The following DIAPH2 variants were observed in gnomAD, a reference collection of about 807,000 sequenced individuals.
DIAPH2 encodes protein diaphanous homolog 2.
Under a neutral mutation model 92.7 loss-of-function variants are expected in DIAPH2, and 35 were observed. The ratio of observed to expected loss-of-function variants is 0.38; its 90% CI spans 0.29 to 0.50. The LOEUF is 0.50. Ranked by LOEUF, DIAPH2 falls within the 20% of genes least tolerant of loss-of-function variation. DIAPH2 has a pLI of 0.94. For synonymous variants in DIAPH2, 301 were observed against 280.4 expected (o/e 1.07, Z -0.73); for missense variants, 701 against 819.5 (o/e 0.86, Z 1.77).
chrX:96,761,012 G>A lies in DIAPH2; in HGVS notation c.447+2754G>A, dbSNP rs2064264898. ...AGATAATTTGACCACAAATAACCTG[G>A]AAGAGTCTATATTTTCAAAACACCA... is the stretch of plus-strand genomic sequence containing the variant. On this transcript the variant is annotated intron_variant, in intron 4 of 26. Coordinates refer to ENST00000324765, the MANE Select transcript of DIAPH2 (RefSeq NM_006729.5). Among the ~76,000 whole-genome samples the A allele has an allele frequency of 2.7e-5, 3 of 110,134 alleles. No individual in the cohort carries two copies. In the Admixed American group the frequency reaches 2.9e-4, roughly 11 times the overall value.
At chrX:97,477,342 A>G (rs1215633609) in intron 26 of DIAPH2, among the ~76,000 whole-genome samples, 1 of 100,565 alleles carries the variant, frequency 9.9e-6, no homozygotes, top group East Asian at 3.2e-4. Context: ...AAATATATAT[A>G]GGCCGTGTGC....
intron 19 of DIAPH2, 133 bp downstream of exon 19, chrX:97,075,394 C>G: frequency 2.8e-6 from 1 of 357,494 alleles, no homozygotes; most frequent in Non-Finnish European, 4.9e-6. Flanking sequence ...TTAATAAAAT[C>G]AGGAATATCT....
chrX:97,515,390 A>T (rs1310173126), intron 26 of DIAPH2, among the ~76,000 whole-genome samples: 1 of 112,281 alleles, frequency 8.9e-6, no homozygotes, highest in African/African-American at 3.2e-5. Context: ...GCGCGCACCC[A>T]CTGTCCTGCG....
intron 5 of DIAPH2, among the ~76,000 whole-genome samples, chrX:96,889,568 T>G (rs755754107): frequency 8.9e-5 from 10 of 112,486 alleles, no homozygotes; most frequent in Non-Finnish European, 1.9e-4. Context: ...ATCACATGGA[T>G]AATCCTACAA....
chrX:97,354,754 G>C (rs1287523733), intron 24 of DIAPH2, among the ~76,000 whole-genome samples: 1 of 112,715 alleles, frequency 8.9e-6, no homozygotes, highest in Non-Finnish European at 1.9e-5. Context: ...ATCTATGGTT[G>C]GCTCTGAATG....
At chrX:97,191,317 A>C (rs1262442915) in intron 22 of DIAPH2, among the ~76,000 whole-genome samples, 3 of 107,513 alleles carry the variant, frequency 2.8e-5, no homozygotes, top group Admixed American at 1.0e-4. Context: ...AACAAGAGGG[A>C]AACTCTCTCA....
At chrX:97,250,049 A>G (rs1488306646) in intron 23 of DIAPH2, among the ~76,000 whole-genome samples, 5 of 111,144 alleles carry the variant, frequency 4.5e-5, no homozygotes, top group Non-Finnish European at 7.5e-5. Context: ...GTGAGCCGAG[A>G]TCGCGCCATT....
intron 22 of DIAPH2, among the ~76,000 whole-genome samples, chrX:97,185,445 ATATGTGTG>A (rs2067586597): frequency 3.4e-5 from 2 of 58,627 alleles, no homozygotes; most frequent in African/African-American, 9.0e-5. Flanking sequence ...GTGTATATAT[ATATGTGTG>A]TGTATATATA....
intron 1 of DIAPH2, among the ~76,000 whole-genome samples, chrX:96,732,208 C>T (rs1215064071): frequency 9.0e-6 from 1 of 111,165 alleles, no homozygotes; most frequent in Non-Finnish European, 1.9e-5. Flanking sequence ...ATTCTCAAGT[C>T]CTTTTATACC....
intron 4 of DIAPH2, among the ~76,000 whole-genome samples, chrX:96,830,469 G>A (rs1424887408): frequency 9.5e-6 from 1 of 105,220 alleles, no homozygotes; most frequent in East Asian, 3.1e-4. Context: ...TACTTGGGAG[G>A]CTGAGGCAGG....
chrX:97,337,136 T>G (rs777021861), intron 23 of DIAPH2, among the ~76,000 whole-genome samples: 1 of 110,110 alleles, frequency 9.1e-6, no homozygotes, highest in South Asian at 3.9e-4. Context: ...TTTTCTTTTT[T>G]TTTTTTTATT....
chrX:96,825,168 CTGATCT>C (rs1164929582), intron 4 of DIAPH2, among the ~76,000 whole-genome samples: 3 of 105,308 alleles, frequency 2.8e-5, no homozygotes, highest in African/African-American at 1.0e-4. Flanking sequence ...GTTAGCCAGG[CTGATCT>C]TGAACTGCTG....
chrX:96,789,535 G>A (rs1158133582), intron 4 of DIAPH2, among the ~76,000 whole-genome samples: 1 of 111,909 alleles, frequency 8.9e-6, no homozygotes, highest in African/African-American at 3.2e-5. Flanking sequence ...GCATAGCATG[G>A]CTTTGTATGA....
At chrX:97,557,526 C>T (rs1027308870) in intron 26 of DIAPH2, among the ~76,000 whole-genome samples, 1 of 111,286 alleles carries the variant, frequency 9.0e-6, no homozygotes, top group African/African-American at 3.3e-5. Context: ...GCAACAAGAG[C>T]GAAAGAATTG....
chrX:97,317,541 G>A (rs764001994), intron 23 of DIAPH2, among the ~76,000 whole-genome samples: 2 of 112,086 alleles, frequency 1.8e-5, no homozygotes, highest in African/African-American at 6.5e-5. Context: ...CTCATACATT[G>A]ATTTGATGAG....
At chrX:97,497,878 G>GTA (rs1014164821) in intron 26 of DIAPH2, among the ~76,000 whole-genome samples, 11 of 110,626 alleles carry the variant, frequency 9.9e-5, no homozygotes, top group South Asian at 7.6e-4. Context: ...CTCTCTATAT[G>GTA]TATATATATA....
chrX:97,432,071 G>C (rs1431756122), intron 26 of DIAPH2, among the ~76,000 whole-genome samples: 1 of 111,451 alleles, frequency 9.0e-6, no homozygotes, highest in Non-Finnish European at 1.9e-5. Flanking sequence ...TGAGATAAAA[G>C]CAGAAAAGGC....
At chrX:96,835,289 T>C (rs1019085359) in intron 4 of DIAPH2, among the ~76,000 whole-genome samples, 1 of 112,046 alleles carries the variant, frequency 8.9e-6, no homozygotes, top group Non-Finnish European at 1.9e-5. Context: ...CGAATACTTA[T>C]TACCTGCTGA....
chrX:97,105,249 GT>G (rs751684310), intron 20 of DIAPH2, among the ~76,000 whole-genome samples: 2 of 111,150 alleles, frequency 1.8e-5, no homozygotes, highest in African/African-American at 6.6e-5. Context: ...AACCTTTTGG[GT>G]TTTTTTAGCA....
Sources: gnomAD v4.1 joint callset for allele counts (sites outside exome capture counted in the v4.1 genomes callset) on GRCh38, gnomAD v4.1.1 for gene constraint, MANE v1.5 for transcripts, NCBI Gene and HGNC (gene_info 2026-07-23, HGNC 2026-07-21) for gene names.